Variants in MPPED1 observed in about 807,000 individuals in gnomAD.
MPPED1 encodes the protein metallophosphoesterase domain containing 1.
MPPED1 carries 16 observed loss-of-function variants against 36.2 expected under a neutral mutation model. That is an observed-to-expected ratio of 0.44 (90% CI 0.30 to 0.67). The LOEUF (loss-of-function observed/expected upper bound fraction) is 0.67. Among genes scored for constraint, MPPED1 ranks in the 30% least tolerant of loss-of-function variants. The pLI is 0.10. For synonymous variants in MPPED1, 199 were observed against 191.3 expected, an observed-to-expected ratio of 1.04 and a Z score of -0.33; for missense variants, 307 against 453.4, an observed-to-expected ratio of 0.68 and a Z score of 2.93.
chr22:43,458,115 T>C (rs1377788885), intron 3 of MPPED1, among the ~76,000 whole-genome samples: 1 of 152,162 alleles, frequency 6.6e-6, no homozygotes, highest in Non-Finnish European at 1.5e-5. Context: ...GGCTGTATGA[T>C]CTAGGTTTGC....
chr22:43,416,878 C>T lies in MPPED1; in HGVS notation c.-79+4720C>T, dbSNP rs1013452391. On this transcript the variant is annotated intron_variant, in intron 1 of 6. Coordinates refer to ENST00000443721, the MANE Select transcript of MPPED1 (RefSeq NM_001044370.2). ...TGCCCGAGCTTTGTGTGTTTCTTTG[C>T]GTCTCGGGGCTCGTTCTGTGCAATG... The T allele has an allele frequency of 7.3e-5, 35 of 482,246 alleles. 1 individual carries two copies. The highest frequency in any genetic ancestry group is 9.4e-5 in the Non-Finnish European group (35 of 370,868). 29.9% of individuals were successfully genotyped at this position (482,246 alleles called of 1,614,324 possible). A position where few individuals can be genotyped will look rare whatever the true frequency, so the allele number is the denominator to read the frequency against.
chr22:43,413,379 CAAA>C (rs569176150), intron 1 of MPPED1, among the ~76,000 whole-genome samples: 1 of 111,706 alleles, frequency 9.0e-6, no homozygotes, highest in Admixed American at 8.9e-5. Flanking sequence ...CTGGACTTTG[CAAA>C]AAAAAAAAAA....
chr22:43,417,422 G>T, intron 1 of MPPED1, among the ~76,000 whole-genome samples: 2 of 146,168 alleles, frequency 1.4e-5, no homozygotes, highest in African/African-American at 5.0e-5. Context: ...TGGGGTATTT[G>T]CTTCTTTTCC....
At chr22:43,463,861 TTCTTTCTTTCTTTC>T (rs1167904389) in intron 3 of MPPED1, among the ~76,000 whole-genome samples, 3 of 136,390 alleles carry the variant, frequency 2.2e-5, no homozygotes, top group African/African-American at 8.2e-5. Context: ...CTTTCTTTCT[TTCTTTCTTTCTTTC>T]TCTTTCTGTC....
chr22:43,466,312 C>T (rs773691184), intron 3 of MPPED1, among the ~76,000 whole-genome samples: 1 of 152,044 alleles, frequency 6.6e-6, no homozygotes, highest in African/African-American at 2.4e-5. Flanking sequence ...CCTAGGATGT[C>T]TGTTCTATCT....
chr22:43,444,214 T>C (rs1306126366), intron 3 of MPPED1, among the ~76,000 whole-genome samples: 1 of 151,826 alleles, frequency 6.6e-6, no homozygotes, highest in African/African-American at 2.4e-5. Flanking sequence ...CCTTGAAAGG[T>C]ATGCTTAAGT....
rs1362199634 is a variant in MPPED1, at chr22:43,434,482, G to A, written c.225-552G>A. 2.0e-5 allele frequency among the ~76,000 whole-genome samples: 3 copies of A among 152,250 alleles called. 1 individual carries two copies. Among genetic ancestry groups the A allele is most frequent in the East Asian group, 3.9e-4 (2 of 5,194 alleles). ...TTTACTCCATGCGGTCTCAGTGGGG[G>A]CCATAGCGCCCCTAAAGGGTAAAAT... On this transcript the variant is annotated intron_variant, in intron 2 of 6. Coordinates refer to ENST00000443721, the MANE Select transcript of MPPED1 (RefSeq NM_001044370.2).
intron 4 of MPPED1, among the ~76,000 whole-genome samples, chr22:43,479,504 C>T (rs1394316242): frequency 1.3e-5 from 2 of 152,204 alleles, no homozygotes; most frequent in Non-Finnish European, 2.9e-5. Flanking sequence ...GGGAAGACTC[C>T]CCCATAGGCA....
chr22:43,460,110 G>A (rs1027184250), intron 3 of MPPED1, among the ~76,000 whole-genome samples: 17 of 152,082 alleles, frequency 1.1e-4, no homozygotes, highest in Non-Finnish European at 2.4e-4. Context: ...AGGAGGCTGA[G>A]GCAGAAGATT....
chr22:43,440,596 G>A (rs1243944524), intron 3 of MPPED1, among the ~76,000 whole-genome samples: 1 of 152,216 alleles, frequency 6.6e-6, no homozygotes, highest in Non-Finnish European at 1.5e-5. Context: ...GTCAGTTCCT[G>A]AGCTGGGATT....
intron 4 of MPPED1, among the ~76,000 whole-genome samples, chr22:43,482,033 G>A (rs1039491030): frequency 5.9e-5 from 9 of 152,176 alleles, no homozygotes; most frequent in Admixed American, 1.3e-4. Flanking sequence ...GGTGCAGCCG[G>A]TGTTGGGCCT....
intron 4 of MPPED1, among the ~76,000 whole-genome samples, chr22:43,488,960 G>A (rs1367032567): frequency 6.6e-6 from 1 of 152,186 alleles, no homozygotes; most frequent in African/African-American, 2.4e-5. Flanking sequence ...GGCTCTTGGG[G>A]CACCTCAGCG....
At chr22:43,427,007 G>T (rs1270921042) in intron 2 of MPPED1, among the ~76,000 whole-genome samples, 1 of 152,192 alleles carries the variant, frequency 6.6e-6, no homozygotes, top group African/African-American at 2.4e-5. Context: ...TGCTGGTGAG[G>T]TTCATCCTCC....
intron 4 of MPPED1, 32 bp from the exon 5 acceptor site, chr22:43,498,203 C>T: frequency 1.3e-6 from 2 of 1,507,826 alleles, no homozygotes; most frequent in South Asian, 2.4e-5. Context: ...CTTTCACCCG[C>T]CCTCCCTCAA....
intron 2 of MPPED1, among the ~76,000 whole-genome samples, chr22:43,432,226 G>C (rs1440448354): frequency 8.1e-5 from 11 of 135,948 alleles, no homozygotes; most frequent in African/African-American, 3.1e-4. Flanking sequence ...GAGAGACACA[G>C]AGAGAAAGAA....
intron 3 of MPPED1, among the ~76,000 whole-genome samples, chr22:43,444,376 T>C (rs1370115080): frequency 6.8e-6 from 1 of 147,252 alleles, no homozygotes; most frequent in Non-Finnish European, 1.5e-5. Context: ...TTTTTTTTTT[T>C]TTTTTTTTGA....
chr22:43,490,264 T>C (rs2146903504), intron 4 of MPPED1, among the ~76,000 whole-genome samples: 1 of 152,144 alleles, frequency 6.6e-6, no homozygotes, highest in East Asian at 1.9e-4. Context: ...GGCAAGGGTG[T>C]GATGGGGAGG....
At chr22:43,424,870 C>T (rs771452736) in intron 1 of MPPED1, 38 bp from the exon 2 acceptor site, 2 of 1,476,732 alleles carry the variant, frequency 1.4e-6, no homozygotes, top group South Asian at 2.6e-5. Context: ...AAATCCCAAA[C>T]AGATTAACTG....
intron 3 of MPPED1, among the ~76,000 whole-genome samples, chr22:43,442,568 C>T (rs1227097970): frequency 1.3e-5 from 2 of 152,162 alleles, no homozygotes; most frequent in Admixed American, 1.3e-4. Context: ...AGGGTGCGGT[C>T]GGGTGGGACT....
Sources: allele counts gnomAD v4.1 joint callset (sites outside exome capture counted in the v4.1 genomes callset), GRCh38; gene constraint gnomAD v4.1.1; transcripts MANE v1.5; gene names NCBI Gene and HGNC (gene_info 2026-07-23, HGNC 2026-07-21).